Variants in PARD3B observed in about 807,000 individuals in gnomAD.
PARD3B encodes the protein par-3 family cell polarity regulator beta, also known as partitioning defective 3 homolog B.
In PARD3B, 103 loss-of-function variants were observed where a neutral mutation model predicts 130.2. That is an observed-to-expected ratio of 0.79 (90% CI 0.67 to 0.93). The LOEUF is 0.93. PARD3B is among the 40% of genes least tolerant of loss of function. The pLI is 0.00. For missense variants in PARD3B, 1,609 were observed against 1,499.2 expected (o/e 1.07, Z -1.21); for synonymous variants, 583 against 553.2 (o/e 1.05, Z -0.76).
At chr2:205,156,699 G>T (rs566925943) in intron 10 of PARD3B, among the ~76,000 whole-genome samples, 1 of 152,104 alleles carries the variant, frequency 6.6e-6, no homozygotes, top group Non-Finnish European at 1.5e-5. Flanking sequence ...AACCTCACAG[G>T]TTTGTTGTGA....
At chr2:205,343,914 A>C (rs2043644483) in intron 18 of PARD3B, among the ~76,000 whole-genome samples, 1 of 152,180 alleles carries the variant, frequency 6.6e-6, no homozygotes, top group Non-Finnish European at 1.5e-5. Flanking sequence ...TACTATGTAC[A>C]TGGAAGAAAA....
intron 18 of PARD3B, among the ~76,000 whole-genome samples, chr2:205,382,041 A>G (rs969776789): frequency 6.6e-6 from 1 of 152,096 alleles, no homozygotes. Context: ...GTGCGTAACG[A>G]TGGTACAGAG....
intron 11 of PARD3B, among the ~76,000 whole-genome samples, chr2:205,170,902 T>C (rs35268204): frequency 0.41 from 62,878 of 151,778 alleles, 13,714 homozygotes; most frequent in Middle Eastern, 0.53. Context: ...TTTTGTGTTG[T>C]GCAGTTGTAG....
chr2:204,650,286 C>T (rs187500921), intron 1 of PARD3B, among the ~76,000 whole-genome samples: 13 of 152,240 alleles, frequency 8.5e-5, no homozygotes, highest in South Asian at 2.1e-4. Context: ...GGAACACTTA[C>T]ACATTATTGG....
At chr2:205,177,130 G>A (rs1440283938) in intron 13 of PARD3B, among the ~76,000 whole-genome samples, 2 of 152,008 alleles carry the variant, frequency 1.3e-5, no homozygotes, top group South Asian at 2.1e-4. Flanking sequence ...GACTCCAGAT[G>A]TAAAAAAATC....
At chr2:205,138,345 T>C (rs557684094) in intron 10 of PARD3B, among the ~76,000 whole-genome samples, 2 of 152,294 alleles carry the variant, frequency 1.3e-5, no homozygotes, top group South Asian at 4.1e-4. Flanking sequence ...TCTTGACATA[T>C]ACGTGCATTT....
intron 22 of PARD3B, among the ~76,000 whole-genome samples, chr2:205,601,935 G>A (rs140763157): frequency 1.9e-3 from 296 of 152,226 alleles, no homozygotes; most frequent in African/African-American, 6.6e-3. Context: ...GGTGAGAGGG[G>A]GCATCCTTGT....
At position 205,078,130 on chromosome 2, in the gene PARD3B, A is replaced by C. The variant is rs1364820744; in HGVS notation, c.505-26296A>C. Among the ~76,000 whole-genome samples the C allele has an allele frequency of 6.6e-6, 1 of 152,202 alleles. No individual in the cohort carries two copies. Among genetic ancestry groups the C allele is most frequent in the Non-Finnish European group, 1.5e-5 (1 of 68,026 alleles). On this transcript the variant is annotated intron_variant, in intron 4 of 22. Coordinates refer to ENST00000406610, the MANE Select transcript of PARD3B (RefSeq NM_001302769.2). This position sits in a 1 kb window ranked among gnomAD's most constrained non-coding sequence, Gnocchi z 4.0. The stretch of plus-strand genomic sequence containing the variant: ...GCTTTCCAAAAAGGTGATTTATGTA[A>C]TTAAGAGTGAGATATAGTTTATTTA...
At chr2:205,529,842 TAC>T (rs1447761559) in intron 21 of PARD3B, among the ~76,000 whole-genome samples, 1 of 152,228 alleles carries the variant, frequency 6.6e-6, no homozygotes, top group Non-Finnish European at 1.5e-5. Context: ...AACAGATGCA[TAC>T]AGTTTTGAGA....
At chr2:204,873,967 A>C (rs2125653403) in intron 2 of PARD3B, among the ~76,000 whole-genome samples, 1 of 152,114 alleles carries the variant, frequency 6.6e-6, no homozygotes, top group South Asian at 2.1e-4. Context: ...ATATGGTGAA[A>C]CCCCATCTCT....
chr2:205,226,199 G>A (rs1486181876), intron 15 of PARD3B, among the ~76,000 whole-genome samples: 9 of 152,066 alleles, frequency 5.9e-5, no homozygotes, highest in East Asian at 1.9e-4. Flanking sequence ...CTGCCACCAC[G>A]CCCGGCTAAT....
At chr2:205,381,022 T>TAAA (rs1559035336) in intron 18 of PARD3B, among the ~76,000 whole-genome samples, 1,154 of 36,536 alleles carry the variant, frequency 0.032, 283 homozygotes, top group African/African-American at 0.038. Flanking sequence ...AGAATATATA[T>TAAA]GATATATTAT....
chr2:205,422,005 A>G (rs1362680991), intron 19 of PARD3B, among the ~76,000 whole-genome samples: 1 of 152,196 alleles, frequency 6.6e-6, no homozygotes, highest in Non-Finnish European at 1.5e-5. Flanking sequence ...GACAAGTCAA[A>G]CAAGGACGCT....
In PARD3B at chr2:204,686,295, A is replaced by C. The variant is rs1468592047; in HGVS notation, c.222+13A>C. On this transcript the variant is annotated intron_variant, in intron 2 of 22. Transcript: ENST00000406610. ...AGATAAAGACAAGGTAGATAACTCT[A>C]AAAATGTGCCTCTTTGTTTTCCTCT... The C allele has an allele frequency of 6.4e-7, 1 of 1,572,400 alleles. No individual in the cohort carries two copies. The highest frequency in any genetic ancestry group is 1.1e-5 in the South Asian group (1 of 90,250).
chr2:204,555,587 A>G lies in PARD3B; in HGVS notation c.120+9468A>G, dbSNP rs559247271. ...AAAATTTATATCCATGAGTATGAGT[A>G]TATGCTGAGTTCCTTGAGATCTCTT... is the stretch of plus-strand genomic sequence containing the variant. On this transcript the variant is annotated intron_variant, in intron 1 of 22. Transcript: ENST00000406610. Among the ~76,000 whole-genome samples the G allele has an allele frequency of 2.6e-5, 4 of 152,262 alleles. No individual in the cohort carries two copies. In the East Asian group the frequency reaches 7.7e-4, roughly 29 times the overall value.
intron 1 of PARD3B, among the ~76,000 whole-genome samples, chr2:204,617,855 G>A (rs1215744047): frequency 1.3e-5 from 2 of 152,158 alleles, no homozygotes; most frequent in African/African-American, 4.8e-5. Context: ...CTCCATTCAC[G>A]TTGTTGCAAA....
chr2:204,938,758 G>T (rs535891143), intron 2 of PARD3B, among the ~76,000 whole-genome samples: 2 of 152,304 alleles, frequency 1.3e-5, no homozygotes, highest in South Asian at 4.1e-4. Context: ...ATTCTGTTGT[G>T]CAGCTAGGGT....
intron 7 of PARD3B, among the ~76,000 whole-genome samples, chr2:205,120,444 G>T (rs116320450): frequency 1.1e-4 from 17 of 152,284 alleles, no homozygotes; most frequent in Admixed American, 1.0e-3. Flanking sequence ...AGAAAGGGGG[G>T]TGCGGGGTAG....
intron 3 of PARD3B, among the ~76,000 whole-genome samples, chr2:204,975,735 C>CTGAATGG (rs758162518): frequency 1.1e-4 from 17 of 152,192 alleles, no homozygotes; most frequent in Non-Finnish European, 2.1e-4. Flanking sequence ...TTCAGTCCCT[C>CTGAATGG]TATTCTGACA....
Sources: allele counts gnomAD v4.1 joint callset (sites outside exome capture counted in the v4.1 genomes callset), GRCh38; gene constraint gnomAD v4.1.1; non-coding constraint Gnocchi (gnomAD v3.1); transcripts MANE v1.5; gene names NCBI Gene and HGNC (gene_info 2026-07-23, HGNC 2026-07-21).